The following C12orf42 variants were observed in gnomAD, a reference collection of about 807,000 sequenced individuals.
The protein encoded by C12orf42 is uncharacterized protein C12orf42.
Under a neutral mutation model 21.6 loss-of-function variants are expected in C12orf42, and 25 were observed. That is an observed-to-expected ratio of 1.16 (90% CI 0.84 to 1.62). The LOEUF is 1.62. C12orf42 is among the 40% of genes most tolerant of loss of function. The pLI is 0.00. For missense variants in C12orf42, 483 were observed against 459.3 expected (o/e 1.05, Z -0.47); for synonymous variants, 174 against 175.0 (o/e 0.99, Z 0.05).
At chr12:103,389,276 T>A (rs965837956) in intron 3 of C12orf42, among the ~76,000 whole-genome samples, 10 of 152,204 alleles carry the variant, frequency 6.6e-5, no homozygotes, top group Non-Finnish European at 1.0e-4. Context: ...CAGATTCCCA[T>A]TTCTTTCTGT....
chr12:103,237,323 A>G (rs2033500167), downstream of C12orf42, among the ~76,000 whole-genome samples: 2 of 152,148 alleles, frequency 1.3e-5, no homozygotes, highest in South Asian at 4.1e-4. Flanking sequence ...AGAGGGGGAT[A>G]TCAAACCTAA....
chr12:103,051,740 C>G, the C12orf42 span, among the ~76,000 whole-genome samples: 1 of 152,134 alleles, frequency 6.6e-6, no homozygotes, highest in African/African-American at 2.4e-5. Flanking sequence ...CCCTCTGAGA[C>G]CTTGCTCCAT....
chr12:103,462,298 A>T (rs1357023832), intron 2 of C12orf42, among the ~76,000 whole-genome samples: 1 of 151,108 alleles, frequency 6.6e-6, no homozygotes, highest in Admixed American at 6.6e-5. Context: ...TTTAATACAG[A>T]TGGGGTTTTG....
rs373182071 is a variant in C12orf42 at position 103,362,875 on chromosome 12, T to C, written c.259+6012A>G. On this transcript the variant is annotated intron_variant, in intron 4 of 5. Coordinates refer to ENST00000548883, the MANE Select transcript of C12orf42 (RefSeq NM_198521.5). The stretch of plus-strand genomic sequence containing the variant: ...TGTTAAATGACCAAACCTAAGGATA[T>C]TGGTGTTCCTGAGGAAGAAGAGAAA... 2.2e-4 allele frequency among the ~76,000 whole-genome samples: 34 copies of C among 152,022 alleles called. 3 individuals are homozygous for C. Among genetic ancestry groups the C allele is most frequent in the Admixed American group, 2.0e-3 (31 of 15,258 alleles).
At chr12:103,396,135 C>T (rs2047512765) in intron 3 of C12orf42, among the ~76,000 whole-genome samples, 1 of 151,512 alleles carries the variant, frequency 6.6e-6, no homozygotes, top group Non-Finnish European at 1.5e-5. Flanking sequence ...GGCTGTGTGT[C>T]CCCACCCAAA....
At chr12:103,375,206 T>TA (rs1219451574) in intron 3 of C12orf42, among the ~76,000 whole-genome samples, 1 of 152,162 alleles carries the variant, frequency 6.6e-6, no homozygotes, top group Non-Finnish European at 1.5e-5. Context: ...AGGAGAAACA[T>TA]AAAAATGACA....
the C12orf42 span, among the ~76,000 whole-genome samples, chr12:103,169,183 A>G: frequency 6.6e-6 from 1 of 150,530 alleles, no homozygotes; most frequent in Non-Finnish European, 1.5e-5. Flanking sequence ...TAAATAAATA[A>G]ATAAATAAAT....
intron 4 of C12orf42, among the ~76,000 whole-genome samples, chr12:103,345,421 A>T (rs1254844447): frequency 6.6e-6 from 1 of 152,182 alleles, no homozygotes; most frequent in Non-Finnish European, 1.5e-5. Flanking sequence ...GTTGTTGATG[A>T]TGATGTGCTC....
intron 4 of C12orf42, among the ~76,000 whole-genome samples, chr12:103,292,843 G>A (rs976294271): frequency 3.3e-5 from 5 of 151,954 alleles, no homozygotes; most frequent in African/African-American, 4.8e-5. Flanking sequence ...ACTTCAAAAT[G>A]AAATGCAGCT....
chr12:103,319,818 T>C (rs899703414), intron 4 of C12orf42, among the ~76,000 whole-genome samples: 5 of 152,222 alleles, frequency 3.3e-5, no homozygotes, highest in African/African-American at 1.2e-4. Flanking sequence ...CGCACAGCAG[T>C]GGTGCTGAGC....
chr12:103,124,230 T>C, the C12orf42 span, among the ~76,000 whole-genome samples: 6 of 149,498 alleles, frequency 4.0e-5, no homozygotes, highest in African/African-American at 1.5e-4. Context: ...TGTAACATTT[T>C]GTCCTTTAGA....
the C12orf42 span, among the ~76,000 whole-genome samples, chr12:103,551,926 G>T: frequency 6.6e-6 from 1 of 152,136 alleles, no homozygotes; most frequent in Admixed American, 6.6e-5. Flanking sequence ...TCTAGTTAGG[G>T]TGATGATTCC....
the C12orf42 span, among the ~76,000 whole-genome samples, chr12:103,517,334 T>C: frequency 4.6e-5 from 7 of 152,172 alleles, no homozygotes; most frequent in Non-Finnish European, 7.4e-5. Flanking sequence ...CATTGTCCCT[T>C]CCATCTGTGA....
chr12:103,093,610 C>G, the C12orf42 span, among the ~76,000 whole-genome samples: 1 of 152,132 alleles, frequency 6.6e-6, no homozygotes, highest in Non-Finnish European at 1.5e-5. Context: ...GGCTCCAGGA[C>G]AAGGATACCA....
intron 2 of C12orf42, among the ~76,000 whole-genome samples, chr12:103,439,214 G>A (rs1459770129): frequency 1.3e-5 from 2 of 151,306 alleles, no homozygotes; most frequent in East Asian, 3.9e-4. Context: ...TATGTAGAAA[G>A]CTGAAACTGG....
intron 5 of C12orf42, among the ~76,000 whole-genome samples, chr12:103,271,538 C>T (rs556426405): frequency 5.9e-5 from 9 of 152,150 alleles, no homozygotes; most frequent in African/African-American, 1.7e-4. Context: ...TTAGTTTGCC[C>T]CCTCTGTAAA....
At chr12:103,334,860 G>A (rs566007068) in intron 4 of C12orf42, among the ~76,000 whole-genome samples, 21 of 152,180 alleles carry the variant, frequency 1.4e-4, no homozygotes, top group Non-Finnish European at 2.8e-4. Flanking sequence ...ATTGCCAAGC[G>A]TTAGCAATAT....
chr12:103,463,650 G>A (rs544071270), intron 2 of C12orf42, among the ~76,000 whole-genome samples: 8 of 152,192 alleles, frequency 5.3e-5, no homozygotes, highest in Admixed American at 3.9e-4. Flanking sequence ...TTGTTACATA[G>A]GTAAACATGT....
chr12:103,421,154 C>A (rs1350045135), intron 2 of C12orf42, among the ~76,000 whole-genome samples: 1 of 151,944 alleles, frequency 6.6e-6, no homozygotes, highest in East Asian at 1.9e-4. Context: ...GCCTAGCCTG[C>A]TACAAAGACA....
Sources: gnomAD v4.1 joint callset for allele counts (sites outside exome capture counted in the v4.1 genomes callset) on GRCh38, gnomAD v4.1.1 for gene constraint, MANE v1.5 for transcripts, NCBI Gene and HGNC (gene_info 2026-07-23, HGNC 2026-07-21) for gene names.